Variants in TENM4 observed in about 807,000 individuals in gnomAD.
TENM4 encodes teneurin transmembrane protein 4, also known as teneurin-4.
A neutral mutation model predicts 243.3 loss-of-function variants in TENM4; 82 were observed. The observed-to-expected ratio is 0.34, with a 90% CI of 0.28 to 0.40. The LOEUF (loss-of-function observed/expected upper bound fraction) is 0.40, where lower values mean the gene tolerates loss of function less well. TENM4 is among the 10% of genes least tolerant of loss of function. The pLI is 1.00. For synonymous variants in TENM4, 1,412 were observed against 1,456.3 expected (o/e 0.97, Z 0.69); for missense variants, 3,138 against 3,673.3 (o/e 0.85, Z 3.77).
At chr11:79,216,941 C>T (rs76201280) in intron 2 of TENM4, among the ~76,000 whole-genome samples, 2,646 of 152,200 alleles carry the variant, frequency 0.017, 86 homozygotes, top group African/African-American at 0.061. Context: ...GAGGTCCTTA[C>T]GCAGAAGAGT....
chr11:79,092,425 G>A (rs1166504399), intron 4 of TENM4, among the ~76,000 whole-genome samples: 1 of 152,138 alleles, frequency 6.6e-6, no homozygotes, highest in East Asian at 1.9e-4. Context: ...CTGACTCCTA[G>A]GCCAAGTTCT....
intron 4 of TENM4, among the ~76,000 whole-genome samples, chr11:79,102,836 TTAAC>T (rs1861269090): frequency 6.6e-6 from 1 of 152,236 alleles, no homozygotes; most frequent in Non-Finnish European, 1.5e-5. Context: ...AGTTTTTCAT[TTAAC>T]TTTTTTTTCC....
At chr11:78,829,972 A>G (rs1857940820) in intron 12 of TENM4, among the ~76,000 whole-genome samples, 1 of 152,126 alleles carries the variant, frequency 6.6e-6, no homozygotes, top group Non-Finnish European at 1.5e-5. Context: ...CCATCTCCAC[A>G]CAGTACTGGC....
chr11:79,115,213 C>T (rs1327664922), intron 4 of TENM4, among the ~76,000 whole-genome samples: 7 of 152,086 alleles, frequency 4.6e-5, no homozygotes, highest in Admixed American at 4.6e-4. Flanking sequence ...TGTACACAGA[C>T]AATTACTATA....
At chr11:79,009,939 C>T (rs1858598870) in intron 6 of TENM4, among the ~76,000 whole-genome samples, 1 of 152,080 alleles carries the variant, frequency 6.6e-6, no homozygotes, top group Admixed American at 6.5e-5. Context: ...TTTTCTCATG[C>T]TGTTCTTGTG....
At chr11:78,970,546 A>G (rs1857519941) in intron 6 of TENM4, among the ~76,000 whole-genome samples, 1 of 152,238 alleles carries the variant, frequency 6.6e-6, no homozygotes, top group Non-Finnish European at 1.5e-5. Flanking sequence ...TCAGTTCCAC[A>G]TCAGAGGATG....
Position 78,785,621 on chromosome 11 carries a change from T to A in TENM4, c.2365+1277A>T, listed in dbSNP as rs1368765493. ...GGAGGATAAAATAATGCAGCTAAAG[T>A]TCTTAGTGCAGCTCTCGGCACGTTG... On this transcript the variant is annotated intron_variant, in intron 16 of 33. Coordinates refer to ENST00000278550, the MANE Select transcript of TENM4 (RefSeq NM_001098816.3). 3.3e-5 allele frequency among the ~76,000 whole-genome samples: 5 copies of A among 152,130 alleles called. No individual in the cohort carries two copies. In the East Asian group the frequency reaches 9.6e-4, roughly 29 times the overall value.
At chr11:78,671,590 C>CCT (rs1217154045) in intron 31 of TENM4, among the ~76,000 whole-genome samples, 49 of 152,348 alleles carry the variant, frequency 3.2e-4, no homozygotes, top group Admixed American at 5.9e-4. Flanking sequence ...AGTTCTGATG[C>CCT]TAGAGCAGAA....
At chr11:78,889,635 G>T in intron 9 of TENM4, 150 bp downstream of exon 9, 1 of 801,060 alleles carries the variant, frequency 1.2e-6, no homozygotes, top group Non-Finnish European at 2.0e-6. Context: ...TGTCAGGGGT[G>T]CAGACTGTCC....
At chr11:79,307,727 C>G (rs991320565) in intron 1 of TENM4, among the ~76,000 whole-genome samples, 2 of 152,202 alleles carry the variant, frequency 1.3e-5, no homozygotes, top group Non-Finnish European at 2.9e-5. Context: ...GCTTTTTGCT[C>G]TCTCTGTGTC....
intron 12 of TENM4, among the ~76,000 whole-genome samples, chr11:78,840,496 AC>A (rs1858233342): frequency 6.6e-6 from 1 of 152,276 alleles, no homozygotes; most frequent in South Asian, 2.1e-4. Context: ...ATTTGTTATA[AC>A]CCTTCATATA....
chr11:79,018,606 T>A (rs117516612), intron 6 of TENM4, among the ~76,000 whole-genome samples: 1 of 152,130 alleles, frequency 6.6e-6, no homozygotes, highest in Non-Finnish European at 1.5e-5. Context: ...CTTATCTCTG[T>A]CTCGGTAGGA....
At chr11:78,939,547 A>G (rs1275249866) in intron 6 of TENM4, among the ~76,000 whole-genome samples, 1 of 152,178 alleles carries the variant, frequency 6.6e-6, no homozygotes, top group African/African-American at 2.4e-5. Flanking sequence ...TTTATCCTGA[A>G]AGAATTAGCA....
chr11:78,988,851 CT>C (rs536567191), intron 6 of TENM4, among the ~76,000 whole-genome samples: 46 of 152,252 alleles, frequency 3.0e-4, no homozygotes, highest in Middle Eastern at 3.4e-3. Flanking sequence ...ATTTGTTTTA[CT>C]TTTTTGTGGA....
At chr11:78,838,078 A>G (rs1858158972) in intron 12 of TENM4, among the ~76,000 whole-genome samples, 1 of 152,184 alleles carries the variant, frequency 6.6e-6, no homozygotes. Context: ...CGCAGCCTCA[A>G]TGGGATTGGA....
chr11:78,938,866 A>G (rs1226150275), intron 6 of TENM4, among the ~76,000 whole-genome samples: 10 of 152,242 alleles, frequency 6.6e-5, no homozygotes, highest in Non-Finnish European at 1.3e-4. Flanking sequence ...AAGCACTTAT[A>G]GCATGGTCAC....
At chr11:78,811,991 C>T in intron 14 of TENM4, 131 bp downstream of exon 14, 1 of 1,135,978 alleles carries the variant, frequency 8.8e-7, no homozygotes, top group Non-Finnish European at 1.2e-6. Flanking sequence ...GGTGGGTGGG[C>T]TCCTGGCTTG....
intron 4 of TENM4, among the ~76,000 whole-genome samples, chr11:79,135,588 G>A (rs1204843534): frequency 2.0e-5 from 3 of 151,588 alleles, no homozygotes; most frequent in Admixed American, 2.0e-4. Flanking sequence ...TTGCAAAATT[G>A]TAGAACCAGC....
intron 1 of TENM4, among the ~76,000 whole-genome samples, chr11:79,331,777 G>A (rs78700423): frequency 2.6e-5 from 4 of 152,232 alleles, no homozygotes; most frequent in African/African-American, 7.2e-5. Flanking sequence ...GGGGAGCCTC[G>A]CAGGGGCTGA....
Sources: allele counts gnomAD v4.1 joint callset (sites outside exome capture counted in the v4.1 genomes callset), GRCh38; gene constraint gnomAD v4.1.1; transcripts MANE v1.5; gene names NCBI Gene and HGNC (gene_info 2026-07-23, HGNC 2026-07-21).